Variants in ITGA11 observed in about 807,000 individuals in gnomAD.
The protein encoded by ITGA11 is integrin subunit alpha 11.
ITGA11 carries 97 observed loss-of-function variants against 141.9 expected under a neutral mutation model. The ratio of observed to expected loss-of-function variants is 0.68; its 90% confidence interval spans 0.58 to 0.81. The LOEUF is 0.81. Ranked by LOEUF, ITGA11 falls within the 30% of genes least tolerant of loss-of-function variation. The pLI, the probability that ITGA11 is intolerant of heterozygous loss-of-function variation, is 0.00. For missense variants in ITGA11, 1,387 were observed against 1,559.2 expected (o/e 0.89, Z 1.86); for synonymous variants, 658 against 624.6 (o/e 1.05, Z -0.80).
chr15:68,395,597 G>A (rs991885945), intron 2 of ITGA11, among the ~76,000 whole-genome samples: 1 of 144,482 alleles, frequency 6.9e-6, no homozygotes, highest in East Asian at 2.1e-4. Context: ...ATGAAATAAA[G>A]TGAGAAGACA....
intron 1 of ITGA11, among the ~76,000 whole-genome samples, chr15:68,413,360 G>A (rs1209164416): frequency 6.6e-6 from 1 of 152,106 alleles, no homozygotes; most frequent in Admixed American, 6.5e-5. Flanking sequence ...CCCCTCTATG[G>A]CCCTTCAGTT....
intron 25 of ITGA11, 95 bp from the exon 26 acceptor site, chr15:68,311,175 T>C: frequency 7.9e-7 from 1 of 1,265,796 alleles, no homozygotes; most frequent in South Asian, 1.3e-5. Context: ...TCTCCTCCTC[T>C]AGCCGTGGTC....
chr15:68,422,945 G>A (rs577664543), intron 1 of ITGA11, among the ~76,000 whole-genome samples: 1 of 152,306 alleles, frequency 6.6e-6, no homozygotes, highest in East Asian at 1.9e-4. Flanking sequence ...TTGAAAGGCA[G>A]GAGTTATCTC....
intron 1 of ITGA11, among the ~76,000 whole-genome samples, chr15:68,431,638 G>T (rs912612171): frequency 6.6e-6 from 1 of 152,232 alleles, no homozygotes; most frequent in South Asian, 2.1e-4. Flanking sequence ...CCCCAGCCGG[G>T]GCCGTGCGCC....
intron 2 of ITGA11, among the ~76,000 whole-genome samples, chr15:68,371,426 C>T (rs4517737): frequency 0.19 from 28,201 of 152,092 alleles, 2,873 homozygotes; most frequent in African/African-American, 0.22. Context: ...AGAAAAGCCA[C>T]GGCCAGCTGG....
intron 10 of ITGA11, among the ~76,000 whole-genome samples, chr15:68,340,481 G>C (rs1233193353): frequency 6.6e-6 from 1 of 152,138 alleles, no homozygotes; most frequent in African/African-American, 2.4e-5. Context: ...TGTTTGATGG[G>C]GCTGGAGCAC....
chr15:68,414,073 T>C (rs945516144), intron 1 of ITGA11, among the ~76,000 whole-genome samples: 3 of 152,158 alleles, frequency 2.0e-5, no homozygotes, highest in Non-Finnish European at 4.4e-5. Context: ...GTCCAGGCGA[T>C]GTGGTCACCT....
chr15:68,325,829 T>A lies in ITGA11; in HGVS notation c.2212-588A>T, dbSNP rs765693827. ...CTTAGAGCAGCCTAAAAATTTCCCC[T>A]TGGAACCTGCAATCCCTGATTATAT... On this transcript the variant is annotated intron_variant, in intron 17 of 29. Coordinates refer to ENST00000315757, the MANE Select transcript of ITGA11 (RefSeq NM_001004439.2). The surrounding 1 kb of genome is among the most constrained non-coding windows in gnomAD (Gnocchi z 5.5). Among the ~76,000 whole-genome samples the A allele has an allele frequency of 7.2e-5, 11 of 152,198 alleles. No individual in the cohort carries two copies. The highest frequency in any genetic ancestry group is 1.5e-4 in the Non-Finnish European group (10 of 68,032).
At chr15:68,374,293 T>C (rs949746268) in intron 2 of ITGA11, among the ~76,000 whole-genome samples, 4 of 152,216 alleles carry the variant, frequency 2.6e-5, no homozygotes, top group Admixed American at 6.5e-5. Context: ...AACCCTTTTG[T>C]CCTGTGTGCA....
intron 7 of ITGA11, among the ~76,000 whole-genome samples, chr15:68,356,740 AG>A (rs1895082715): frequency 6.6e-6 from 1 of 152,152 alleles, no homozygotes; most frequent in Non-Finnish European, 1.5e-5. Context: ...CTTCGAGACT[AG>A]GTTATAGGCA....
intron 1 of ITGA11, among the ~76,000 whole-genome samples, chr15:68,404,938 G>A (rs937636824): frequency 1.5e-4 from 23 of 152,270 alleles, no homozygotes; most frequent in East Asian, 1.9e-4. Flanking sequence ...ATGACAAGCA[G>A]CAAAGGGAAA....
intron 10 of ITGA11, among the ~76,000 whole-genome samples, chr15:68,347,645 C>T (rs974764088): frequency 2.0e-5 from 3 of 152,162 alleles, no homozygotes; most frequent in African/African-American, 7.2e-5. Context: ...CGGAGATTCC[C>T]TCTCACGGAG....
Position 68,386,946 on chromosome 15 carries a change from G to A in ITGA11, c.164+15972C>T, listed in dbSNP as rs1895999260. On this transcript the variant is annotated intron_variant, in intron 2 of 29. Transcript: ENST00000315757. ...AGGGCAGCCTCCCTTCGCCTTGGCC[G>A]CCCCCTCACCCCCTATCTCACCCAT... 2.0e-5 allele frequency among the ~76,000 whole-genome samples: 3 copies of A among 152,082 alleles called. No homozygotes were observed. The South Asian group carries it at 6.2e-4, about 32-fold the overall frequency.
chr15:68,357,415 A>T, intron 6 of ITGA11, 116 bp from the exon 7 acceptor site: 1 of 1,276,036 alleles, frequency 7.8e-7, no homozygotes. Flanking sequence ...AGGAGGGAGG[A>T]GGGCTGAGGA....
At chr15:68,350,373 A>G (rs76745865) in intron 9 of ITGA11, among the ~76,000 whole-genome samples, 2 of 151,890 alleles carry the variant, frequency 1.3e-5, no homozygotes, top group African/African-American at 4.8e-5. Flanking sequence ...TTTTTTTTAA[A>G]GAGACGAGGT....
rs184630801 is a variant in ITGA11 at position 68,331,132 on chromosome 15, G to C, written c.1771-21C>G. On this transcript the variant is annotated intron_variant, in intron 14 of 29. Coordinates refer to ENST00000315757, the MANE Select transcript of ITGA11 (RefSeq NM_001004439.2). ...ATTCTCTGCAGGGCGCGGGAAGAGA[G>C]GGGGAGGGCATGCACACTGTGAGTG... 2.9e-3 allele frequency: 4,555 copies of C among 1,575,834 alleles called. 38 individuals are homozygous for C. The highest frequency in any genetic ancestry group is 6.7e-3 in the Middle Eastern group (38 of 5,712).
At chr15:68,317,601 G>A (rs890103664) in intron 20 of ITGA11, among the ~76,000 whole-genome samples, 9 of 149,546 alleles carry the variant, frequency 6.0e-5, no homozygotes, top group South Asian at 4.2e-4. Context: ...ACTCAGAGGC[G>A]GTGGGGAGGA....
chr15:68,339,457 C>G (rs778520947), intron 11 of ITGA11, 43 bp downstream of exon 11: 1 of 1,578,994 alleles, frequency 6.3e-7, no homozygotes, highest in African/African-American at 1.3e-5. Flanking sequence ...GGGTGCCCTC[C>G]CGGCCCACGA....
intron 2 of ITGA11, among the ~76,000 whole-genome samples, chr15:68,394,381 T>A (rs1896185001): frequency 6.6e-6 from 1 of 151,968 alleles, no homozygotes; most frequent in Admixed American, 6.6e-5. Flanking sequence ...AAGGAAGAAA[T>A]CATGATGAGA....
Sources: gnomAD v4.1 joint callset for allele counts (sites outside exome capture counted in the v4.1 genomes callset) on GRCh38, gnomAD v4.1.1 for gene constraint, Gnocchi (gnomAD v3.1) non-coding constraint, MANE v1.5 for transcripts, NCBI Gene and HGNC (gene_info 2026-07-23, HGNC 2026-07-21) for gene names.